Variants in PXN observed in about 807,000 individuals in gnomAD.
PXN encodes paxillin, also known as testicular tissue protein Li 134.
In PXN, 61 loss-of-function variants were observed where a neutral mutation model predicts 103.6. That is an observed-to-expected ratio of 0.59 (90% confidence interval 0.48 to 0.73). PXN has a LOEUF of 0.73. PXN is among the 30% of genes least tolerant of loss of function. PXN has a pLI of 0.00. For synonymous variants in PXN, 562 were observed against 607.8 expected (o/e 0.92, Z 1.11); for missense variants, 1,274 against 1,460.3 (o/e 0.87, Z 2.08).
At chr12:120,227,045 C>T (rs1887010568) in intron 1 of PXN, 1 of 986,262 alleles carries the variant, frequency 1.0e-6, no homozygotes, top group Non-Finnish European at 1.2e-6. Flanking sequence ...AGGTAGGATG[C>T]AAAGTACTAA....
Position 120,212,350 on chromosome 12 carries a change from AG to A in PXN, c.3209del (p.Pro1070LeufsTer34). 1 of 1,613,880 alleles carries A rather than the reference AG, an allele frequency of 6.2e-7. No homozygotes were observed. Among genetic ancestry groups the A allele is most frequent in the Non-Finnish European group, 8.5e-7 (1 of 1,179,862 alleles). On this transcript the variant is annotated frameshift_variant, in exon 15 of 15. Coordinates refer to ENST00000637617, the MANE Select transcript of PXN (RefSeq NM_001385981.1). LOFTEE classifies it high-confidence loss of function. This position sits in a 1 kb window ranked among gnomAD's most constrained non-coding sequence, Gnocchi z 7.2. ...GCTTGAGGAAGCAGTTCTGACAGTA[AG>A]GCTTGTCGTTCTGCTCCTTGAAGGT... is the stretch of plus-strand genomic sequence containing the variant. Reference protein sequence around the residue: ...KGTFKEQNDKPYCQNCFLKLF... With the variant: ...KGTFKEQNDKXYCQNCFLKLF...
In PXN at chr12:120,211,106, G is replaced by T. The variant is rs773349872; in HGVS notation, c.*1208C>A. On this transcript the variant is annotated 3_prime_UTR_variant, in exon 15 of 15. Coordinates refer to ENST00000637617, the MANE Select transcript of PXN (RefSeq NM_001385981.1). ...CCATAGAAGCAGTGGGGGCTCAGAA[G>T]GTTCAGTGGGTTCACAGGGGAGCAG... 2.0e-5 allele frequency: 3 copies of T among 152,234 alleles called. No individual in the cohort carries two copies. The highest frequency in any genetic ancestry group is 1.3e-4 in the Admixed American group (2 of 15,282). The allele number at this position is 152,234 out of a possible 1,614,324, so 9.4% of individuals were successfully genotyped here. A position where few individuals can be genotyped will look rare whatever the true frequency, so the allele number is the denominator to read the frequency against.
At chr12:120,233,444 C>T (rs1190335429) in intron 1 of PXN, among the ~76,000 whole-genome samples, 3 of 152,140 alleles carry the variant, frequency 2.0e-5, no homozygotes, top group African/African-American at 7.2e-5. Flanking sequence ...GTAGCTGGAA[C>T]TACAGGTACA....
intron 1 of PXN, among the ~76,000 whole-genome samples, chr12:120,254,390 A>G (rs1027776443): frequency 6.6e-6 from 1 of 152,198 alleles, no homozygotes; most frequent in Non-Finnish European, 1.5e-5. Context: ...TTTTTGTTAC[A>G]TAAGTAGATT....
rs1478441940 is a variant in PXN at position 120,214,008 on chromosome 12, T to C, written c.2831-18A>G. The C allele has an allele frequency of 6.2e-7, 1 of 1,609,980 alleles. No individual in the cohort carries two copies. Among genetic ancestry groups the C allele is most frequent in the Non-Finnish European group, 8.5e-7 (1 of 1,178,670 alleles). On this transcript the variant is annotated intron_variant, in intron 13 of 14. Transcript: ENST00000637617. This position sits in a 1 kb window ranked among gnomAD's most constrained non-coding sequence, Gnocchi z 5.0. ...GTGGAACCCTGGGGAGCGGGGGTTT[T>C]GGAGGCACAGTTCATTCCGGCTTCC...
intron 7 of PXN, among the ~76,000 whole-genome samples, chr12:120,218,997 C>T (rs2136243225): frequency 6.6e-6 from 1 of 152,374 alleles, no homozygotes; most frequent in Admixed American, 6.5e-5. Context: ...AAAGCCTCAA[C>T]AAGGCAAGAG....
Position 120,215,755 on chromosome 12 carries a change from T to G in PXN, c.2302-94A>C, listed in dbSNP as rs1882694203. ...CACTGGACTAAAAGGGAATCTAGGA[T>G]GAGATCTGAGGGTTTCTCCCCCACC... On this transcript the variant is annotated intron_variant, in intron 9 of 14. Coordinates refer to ENST00000637617, the MANE Select transcript of PXN (RefSeq NM_001385981.1). This position sits in a 1 kb window ranked among gnomAD's most constrained non-coding sequence, Gnocchi z 4.9. 1 of 1,387,260 alleles carries G rather than the reference T, an allele frequency of 7.2e-7. No individual in the cohort carries two copies. Among genetic ancestry groups the G allele is most frequent in the African/African-American group, 1.5e-5 (1 of 67,808 alleles). The allele number at this position is 1,387,260 out of a possible 1,614,324, so 85.9% of individuals were successfully genotyped here.
chr12:120,245,646 G>A (rs952668096), intron 1 of PXN, among the ~76,000 whole-genome samples: 1 of 151,700 alleles, frequency 6.6e-6, no homozygotes, highest in African/African-American at 2.4e-5. Context: ...AAATTAGCCG[G>A]GTGTTGTGGC....
Position 120,222,632 on chromosome 12 carries a change from C to A in PXN, c.612G>T (p.Arg204=). Residue 204 remains arginine, a synonymous_variant, in exon 5 of 15, where the codon CGG becomes CGT. Coordinates refer to ENST00000637617, the MANE Select transcript of PXN (RefSeq NM_001385981.1). The surrounding 1 kb of genome is among the most constrained non-coding windows in gnomAD (Gnocchi z 4.7). ...AGPLTKEKPK[R]NGGRGLEDVR... ...CGTCCTCCAGGCCCCGGCCCCCATT[C>A]CGCTTAGGCTTCTCTTTCGTCAGGG... 6.2e-7 allele frequency: 1 copy of A among 1,609,672 alleles called. No individual in the cohort carries two copies. Among genetic ancestry groups the A allele is most frequent in the Non-Finnish European group, 8.5e-7 (1 of 1,178,232 alleles).
chr12:120,248,145 T>C (rs986545855), intron 1 of PXN, among the ~76,000 whole-genome samples: 2 of 152,072 alleles, frequency 1.3e-5, no homozygotes, highest in African/African-American at 2.4e-5. Flanking sequence ...GTGGAAGATA[T>C]AAGCAAATAA....
rs1197333183 is a variant in PXN at position 120,210,546 on chromosome 12, T to A, written c.*1768A>T. The A allele has an allele frequency of 1.3e-5, 2 of 152,104 alleles. No homozygotes were observed. The highest frequency in any genetic ancestry group is 4.8e-5 in the African/African-American group (2 of 41,400). The allele number at this position is 152,104 out of a possible 1,614,324, so 9.4% of individuals were successfully genotyped here. A position where few individuals can be genotyped will look rare whatever the true frequency, so the allele number is the denominator to read the frequency against. ...GAGAAAAAATAAAATCAAAATCAAA[T>A]TTTCAAATAACCACTGACTCAGAGA... On this transcript the variant is annotated 3_prime_UTR_variant, in exon 15 of 15. Coordinates refer to ENST00000637617, the MANE Select transcript of PXN (RefSeq NM_001385981.1).
At chr12:120,241,727 T>C (rs1890180336) in intron 1 of PXN, among the ~76,000 whole-genome samples, 1 of 151,798 alleles carries the variant, frequency 6.6e-6, no homozygotes, top group Non-Finnish European at 1.5e-5. Flanking sequence ...GAGCTCAGAG[T>C]GCAAGTCCCA....
At position 120,217,619 on chromosome 12, in the gene PXN, G is replaced by A. The variant is rs969574679; in HGVS notation, c.1717-503C>T. Among the ~76,000 whole-genome samples, 1 of 151,540 alleles carries A rather than the reference G, an allele frequency of 6.6e-6. No individual in the cohort carries two copies. The highest frequency in any genetic ancestry group is 2.4e-5 in the African/African-American group (1 of 41,190). The stretch of plus-strand genomic sequence containing the variant: ...GGGGGGGACAGAGTCTCGCTCTGTC[G>A]CCCAGGCTGGAATGCAGTGGCGCGA... On this transcript the variant is annotated intron_variant, in intron 7 of 14. Transcript: ENST00000637617. This position sits in a 1 kb window ranked among gnomAD's most constrained non-coding sequence, Gnocchi z 4.1.
At chr12:120,235,626 C>T (rs910266263) in intron 1 of PXN, among the ~76,000 whole-genome samples, 3 of 152,156 alleles carry the variant, frequency 2.0e-5, no homozygotes, top group African/African-American at 7.2e-5. Context: ...TGCTGGGTTC[C>T]GCTCTACTGC....
At position 120,222,449 on chromosome 12, in the gene PXN, G is replaced by A. The variant is rs1178774164; in HGVS notation, c.695+100C>T. On this transcript the variant is annotated intron_variant, in intron 5 of 14. Coordinates refer to ENST00000637617, the MANE Select transcript of PXN (RefSeq NM_001385981.1). The surrounding 1 kb of genome is among the most constrained non-coding windows in gnomAD (Gnocchi z 4.7). ...CAGTGCCTGGCAAATGGCAGACACG[G>A]GAGGGAGTGGGTGATACCAGGGCTA... 4.6e-6 allele frequency: 6 copies of A among 1,304,490 alleles called. No individual in the cohort carries two copies. Among genetic ancestry groups the A allele is most frequent in the East Asian group, 2.5e-5 (1 of 39,300 alleles). 80.8% of individuals were successfully genotyped at this position (1,304,490 alleles called of 1,614,324 possible).
chr12:120,250,156 G>A (rs1038789251), intron 1 of PXN: 2 of 985,642 alleles, frequency 2.0e-6, no homozygotes, highest in Middle Eastern at 5.2e-4. Flanking sequence ...GGAGTACACA[G>A]GGGAAATGGC....
At position 120,224,326 on chromosome 12, in the gene PXN, G is replaced by A. The variant is rs757350974; in HGVS notation, c.65C>T (p.Pro22Leu). The A allele has an allele frequency of 2.1e-5, 34 of 1,613,904 alleles. No individual in the cohort carries two copies. The South Asian group carries it at 2.5e-4, about 12-fold the overall frequency. ...GGGGGTCTCCTCCGACAAGAACACA[G>A]GCCGTTTGGAGATGTGGGAGGTGGT... ...ESTTSHISKRPVFLSEETPYS... is the reference protein window; with the variant it reads ...ESTTSHISKRLVFLSEETPYS... The change falls in exon 2 of 15, where the codon CCT (proline) becomes CTT (leucine). Residue 22 changes from proline to leucine, a missense_variant. Coordinates refer to ENST00000637617, the MANE Select transcript of PXN (RefSeq NM_001385981.1). The surrounding 1 kb of genome is among the most constrained non-coding windows in gnomAD (Gnocchi z 5.0).
chr12:120,232,044 T>C (rs2136420866), intron 1 of PXN, among the ~76,000 whole-genome samples: 1 of 152,346 alleles, frequency 6.6e-6, no homozygotes, highest in East Asian at 1.9e-4. Flanking sequence ...TTTTTTCTTT[T>C]TTTGAGACAA....
At chr12:120,255,420 G>A (rs1037892086) in intron 1 of PXN, among the ~76,000 whole-genome samples, 3 of 152,166 alleles carry the variant, frequency 2.0e-5, no homozygotes, top group Non-Finnish European at 4.4e-5. Flanking sequence ...GGAACAGGCC[G>A]GGCGCGGTGG....
Sources: allele counts gnomAD v4.1 joint callset (sites outside exome capture counted in the v4.1 genomes callset), GRCh38; gene constraint gnomAD v4.1.1; non-coding constraint Gnocchi (gnomAD v3.1); transcripts MANE v1.5; gene names NCBI Gene and HGNC (gene_info 2026-07-23, HGNC 2026-07-21).